SAMD3: variants seen among roughly 807,000 people sequenced by gnomAD.
The protein encoded by SAMD3 is sterile alpha motif domain containing 3.
SAMD3 carries 63 observed loss-of-function variants against 58.5 expected under a neutral mutation model. The observed-to-expected ratio is 1.08, with a 90% CI of 0.88 to 1.33. SAMD3 has a LOEUF of 1.33. SAMD3 is among the 40% of genes most tolerant of loss of function. The pLI is 0.00. For missense variants in SAMD3, 604 were observed against 608.4 expected (o/e 0.99, Z 0.08); for synonymous variants, 220 against 210.3 (o/e 1.05, Z -0.40).
intron 1 of SAMD3, among the ~76,000 whole-genome samples, chr6:130,336,246 A>C (rs1289748528): frequency 1.3e-5 from 2 of 152,202 alleles, no homozygotes; most frequent in Admixed American, 6.5e-5. Context: ...TACCAAAAAA[A>C]CCCACATATG....
intron 2 of SAMD3, among the ~76,000 whole-genome samples, chr6:130,291,764 T>C (rs2114963619): frequency 6.6e-6 from 1 of 152,360 alleles, no homozygotes; most frequent in Non-Finnish European, 1.5e-5. Context: ...CATAAGTGTA[T>C]ATTTAATAAT....
At chr6:130,277,248 TCAAA>T (rs1267228518) in intron 2 of SAMD3, among the ~76,000 whole-genome samples, 1 of 152,212 alleles carries the variant, frequency 6.6e-6, no homozygotes. Flanking sequence ...GTTTCAGTCC[TCAAA>T]CAAAGAGTGG....
chr6:130,263,974 T>C (rs6931783), intron 2 of SAMD3, among the ~76,000 whole-genome samples: 47,280 of 152,090 alleles, frequency 0.31, 7,733 homozygotes, highest in East Asian at 0.47. Flanking sequence ...TTCATTTTAC[T>C]AGAGGATCAT....
intron 5 of SAMD3, among the ~76,000 whole-genome samples, chr6:130,204,194 G>A (rs941197536): frequency 6.6e-6 from 1 of 152,146 alleles, no homozygotes; most frequent in Non-Finnish European, 1.5e-5. Flanking sequence ...GTAACATTTA[G>A]GAAGCCTCTA....
intron 1 of SAMD3, among the ~76,000 whole-genome samples, chr6:130,324,833 C>T (rs1776702689): frequency 1.3e-5 from 2 of 151,292 alleles, no homozygotes; most frequent in Admixed American, 1.3e-4. Flanking sequence ...CAGATGCAAT[C>T]GCCTACTGGT....
intron 1 of SAMD3, among the ~76,000 whole-genome samples, chr6:130,317,440 T>A (rs1183692486): frequency 6.6e-6 from 1 of 152,220 alleles, no homozygotes. Context: ...ACTATGTATA[T>A]CTCTCCTAAC....
chr6:130,286,846 A>C (rs571861711), intron 2 of SAMD3, among the ~76,000 whole-genome samples: 79 of 152,188 alleles, frequency 5.2e-4, no homozygotes, highest in African/African-American at 1.8e-3. Context: ...TGAGTAGCTG[A>C]CTAGAGGTGC....
chr6:130,249,285 A>G (rs1446969587), intron 2 of SAMD3, among the ~76,000 whole-genome samples: 3 of 151,834 alleles, frequency 2.0e-5, no homozygotes, highest in Admixed American at 2.0e-4. Context: ...TCTCTTTTAC[A>G]CCTATTGTCT....
At chr6:130,273,269 G>A (rs1774634077) in intron 2 of SAMD3, among the ~76,000 whole-genome samples, 1 of 151,976 alleles carries the variant, frequency 6.6e-6, no homozygotes, top group African/African-American at 2.4e-5. Flanking sequence ...GTATTTCTTT[G>A]TCTTGTGAAT....
chr6:130,255,377 C>T (rs543013410), intron 2 of SAMD3, among the ~76,000 whole-genome samples: 4 of 152,256 alleles, frequency 2.6e-5, no homozygotes, highest in South Asian at 2.1e-4. Context: ...ATGATCTGCT[C>T]ATTGTTGATA....
chr6:130,223,278 T>C (rs1796287835), upstream of SAMD3, among the ~76,000 whole-genome samples: 1 of 152,188 alleles, frequency 6.6e-6, no homozygotes, highest in Middle Eastern at 3.2e-3. Context: ...GGTTCTAGTG[T>C]CTTGAGGCTT....
chr6:130,310,536 C>T (rs545626221), intron 2 of SAMD3, among the ~76,000 whole-genome samples: 24 of 152,216 alleles, frequency 1.6e-4, no homozygotes, highest in African/African-American at 5.1e-4. Flanking sequence ...ACACATTGTA[C>T]GTAGATATAG....
intron 9 of SAMD3, among the ~76,000 whole-genome samples, chr6:130,148,453 A>G (rs1293061714): frequency 2.0e-5 from 3 of 152,196 alleles, no homozygotes; most frequent in Admixed American, 6.5e-5. Context: ...ATTACACAGT[A>G]TTTCAGACTC....
chr6:130,288,150 A>G (rs376029019), intron 2 of SAMD3, among the ~76,000 whole-genome samples: 3 of 152,188 alleles, frequency 2.0e-5, no homozygotes, highest in African/African-American at 7.2e-5. Flanking sequence ...CTCTAGATAA[A>G]TAGAACCAGA....
chr6:130,335,622 T>G (rs1777075085), intron 1 of SAMD3, among the ~76,000 whole-genome samples: 1 of 152,220 alleles, frequency 6.6e-6, no homozygotes, highest in Non-Finnish European at 1.5e-5. Context: ...AATACAGATC[T>G]AGAACTAGAA....
At chr6:130,307,383 G>T (rs1775944394) in intron 2 of SAMD3, among the ~76,000 whole-genome samples, 1 of 152,154 alleles carries the variant, frequency 6.6e-6, no homozygotes, top group Non-Finnish European at 1.5e-5. Flanking sequence ...TAATCTTTTT[G>T]TGAGCATTGG....
At chr6:130,183,336 CAAA>C (rs55660451) in intron 7 of SAMD3, 94 of 384,442 alleles carry the variant, frequency 2.4e-4, no homozygotes, top group Middle Eastern at 6.7e-4. Flanking sequence ...GACTCCGTCT[CAAA>C]AAAAAAAAAA....
At chr6:130,284,995 G>C (rs1775107709) in intron 2 of SAMD3, among the ~76,000 whole-genome samples, 1 of 152,152 alleles carries the variant, frequency 6.6e-6, no homozygotes, top group South Asian at 2.1e-4. Context: ...TAATAGCAAA[G>C]AGTAGAAACA....
upstream of SAMD3, among the ~76,000 whole-genome samples, chr6:130,227,788 CAAA>C (rs113229702): frequency 3.2e-5 from 4 of 126,660 alleles, no homozygotes; most frequent in Non-Finnish European, 3.5e-5. Flanking sequence ...AACTCCATCT[CAAA>C]AAAAAAAAAA....
Sources: gnomAD v4.1 joint callset for allele counts (sites outside exome capture counted in the v4.1 genomes callset) on GRCh38, gnomAD v4.1.1 for gene constraint, MANE v1.5 for transcripts, NCBI Gene and HGNC (gene_info 2026-07-23, HGNC 2026-07-21) for gene names.